The following SBNO1 variants were observed in gnomAD, a reference collection of about 807,000 sequenced individuals.
SBNO1 encodes the protein protein strawberry notch homolog 1.
Under a neutral mutation model 173.6 loss-of-function variants are expected in SBNO1, and 23 were observed. The ratio of observed to expected loss-of-function variants is 0.13; its 90% CI spans 0.10 to 0.19. The LOEUF (loss-of-function observed/expected upper bound fraction) is 0.19. SBNO1 is among the 10% of genes least tolerant of loss of function. The pLI is 1.00. For missense variants in SBNO1, 1,238 were observed against 1,671.2 expected (o/e 0.74, Z 4.52); for synonymous variants, 632 against 571.5 (o/e 1.11, Z -1.51).
rs2048498319 is a variant in SBNO1, at chr12:123,290,726, A to C, written c.*5182T>G. On this transcript the variant is annotated 3_prime_UTR_variant, in exon 32 of 32. Transcript: ENST00000602398. ...CTCTTTTGGAGGACAATTGTTCCTT[A>C]ATGTACATTCTCTCTCTTTTTTTTT... 6.6e-6 allele frequency: 1 copy of C among 151,568 alleles called. No individual in the cohort carries two copies. Among genetic ancestry groups the C allele is most frequent in the African/African-American group, 2.4e-5 (1 of 41,158 alleles). The allele number at this position is 151,568 out of a possible 1,614,324, so 9.4% of individuals were successfully genotyped here. A position where few individuals can be genotyped will look rare whatever the true frequency, so the allele number is the denominator to read the frequency against.
Position 123,291,359 on chromosome 12 carries a change from G to C in SBNO1, c.*4549C>G, listed in dbSNP as rs1357562482. 6.6e-6 allele frequency: 1 copy of C among 152,180 alleles called. No individual in the cohort carries two copies. Among genetic ancestry groups the C allele is most frequent in the Non-Finnish European group, 1.5e-5 (1 of 68,044 alleles). The allele number at this position is 152,180 out of a possible 1,614,324, so 9.4% of individuals were successfully genotyped here. On this transcript the variant is annotated 3_prime_UTR_variant, in exon 32 of 32. Transcript: ENST00000602398. ...AAGCAAGTCAGGTTTGCTGATCTAA[G>C]AGCTAAGTTTGATCCCAAATGCACT...
At position 123,341,105 on chromosome 12, in the gene SBNO1, CA is replaced by C; in HGVS notation, c.551-18del. The C allele has an allele frequency of 7.3e-7, 1 of 1,365,624 alleles. No individual in the cohort carries two copies. The highest frequency in any genetic ancestry group is 1.0e-6 in the Non-Finnish European group (1 of 988,640). The allele number at this position is 1,365,624 out of a possible 1,614,324, so 84.6% of individuals were successfully genotyped here. A position where few individuals can be genotyped will look rare whatever the true frequency, so the allele number is the denominator to read the frequency against. On this transcript the variant is annotated intron_variant, in intron 4 of 31. Coordinates refer to ENST00000602398, the MANE Select transcript of SBNO1 (RefSeq NM_001167856.3). ...TTACATCAGCTGAGGAGGAAAAAGT[CA>C]AATTACATTTAGAAGAAAATTCTGA...
In SBNO1 at chr12:123,320,689, G is replaced by A. The variant is rs1869856660; in HGVS notation, c.2491+10C>T. The stretch of plus-strand genomic sequence containing the variant: ...ACAGTATTTCAAAAAGGAAGTTTCT[G>A]TATGGATACCTGGTGTACTGTTAGG... On this transcript the variant is annotated intron_variant, in intron 18 of 31. Transcript: ENST00000602398. 1.9e-6 allele frequency: 3 copies of A among 1,596,480 alleles called. No individual in the cohort carries two copies. Among genetic ancestry groups the A allele is most frequent in the Non-Finnish European group, 2.6e-6 (3 of 1,173,728 alleles).
rs374894647 is a variant in SBNO1, at chr12:123,345,242, T to C, written c.550+16A>G. 9.2e-5 allele frequency: 147 copies of C among 1,604,316 alleles called. No homozygotes were observed. The highest frequency in any genetic ancestry group is 1.1e-4 in the Non-Finnish European group (126 of 1,172,184). On this transcript the variant is annotated intron_variant, in intron 4 of 31. Transcript: ENST00000602398. ...TACCAGAGAGAGAAAGTTGATACTA[T>C]TGAAAACAGACTTACTAGCTGCTGT...
intron 1 of SBNO1, among the ~76,000 whole-genome samples, chr12:123,359,165 C>A (rs1874826234): frequency 6.6e-6 from 1 of 151,794 alleles, no homozygotes; most frequent in Non-Finnish European, 1.5e-5. Context: ...CATCTCCCGA[C>A]CTCGTGATCA....
In SBNO1 at chr12:123,291,731, A is replaced by G. The variant is rs1392163858; in HGVS notation, c.*4177T>C. ...AGATGCCCCATATGGGAAAGTCAAG[A>G]AAAGAATAAATAGAGCTGAAGGGAA... On this transcript the variant is annotated 3_prime_UTR_variant, in exon 32 of 32. Coordinates refer to ENST00000602398, the MANE Select transcript of SBNO1 (RefSeq NM_001167856.3). 3.3e-5 allele frequency: 5 copies of G among 151,902 alleles called. No individual in the cohort carries two copies. Among genetic ancestry groups the G allele is most frequent in the Non-Finnish European group, 7.4e-5 (5 of 67,970 alleles). 9.4% of individuals were successfully genotyped at this position (151,902 alleles called of 1,614,324 possible). A position where few individuals can be genotyped will look rare whatever the true frequency, so the allele number is the denominator to read the frequency against.
chr12:123,348,610 C>CA (rs2139067897), intron 2 of SBNO1, among the ~76,000 whole-genome samples: 1 of 152,134 alleles, frequency 6.6e-6, no homozygotes, highest in East Asian at 1.9e-4. Flanking sequence ...ACTAAAAATA[C>CA]AAAAAATTCA....
chr12:123,311,720 CTA>C (rs56718635), intron 24 of SBNO1, among the ~76,000 whole-genome samples: 5,893 of 127,184 alleles, frequency 0.046, 231 homozygotes, highest in African/African-American at 0.11. Context: ...ATCTATCTAT[CTA>C]TATATATATA....
intron 1 of SBNO1, among the ~76,000 whole-genome samples, chr12:123,355,528 C>T (rs996759447): frequency 4.0e-5 from 6 of 151,522 alleles, no homozygotes; most frequent in Non-Finnish European, 7.4e-5. Context: ...CGCGTGAACC[C>T]GGGAGGCGGA....
chr12:123,313,483 T>C, intron 24 of SBNO1, 137 bp downstream of exon 24: 1 of 554,830 alleles, frequency 1.8e-6, no homozygotes, highest in South Asian at 2.5e-5. Flanking sequence ...TTATGTGTCC[T>C]AGTAACCATT....
intron 4 of SBNO1, among the ~76,000 whole-genome samples, chr12:123,344,573 A>G (rs11057283): frequency 0.95 from 145,027 of 152,246 alleles, 69,203 homozygotes; most frequent in Non-Finnish European, 0.96. Flanking sequence ...CAGGCCGGGC[A>G]TGGTACTCAC....
chr12:123,311,384 T>C (rs1223713503), intron 24 of SBNO1, among the ~76,000 whole-genome samples: 1 of 151,496 alleles, frequency 6.6e-6, no homozygotes, highest in Admixed American at 6.6e-5. Context: ...GATTCTTTTC[T>C]TTTTTTTTGA....
chr12:123,337,901 C>T (rs1280660642), intron 5 of SBNO1, among the ~76,000 whole-genome samples: 1 of 152,080 alleles, frequency 6.6e-6, no homozygotes, highest in African/African-American at 2.4e-5. Flanking sequence ...TTTTTAAAAT[C>T]ATCATAAAAT....
rs1012230471 is a variant in SBNO1 at position 123,293,020 on chromosome 12, G to T, written c.*2888C>A. ...ATCTGAGCTGCTTTAGACTCTGGAA[G>T]TGGTTTTCAGTACAATTGACGCTGT... On this transcript the variant is annotated 3_prime_UTR_variant, in exon 32 of 32. Transcript: ENST00000602398. The T allele has an allele frequency of 3.9e-5, 6 of 152,216 alleles. No individual in the cohort carries two copies. The highest frequency in any genetic ancestry group is 7.2e-5 in the African/African-American group (3 of 41,454). The allele number at this position is 152,216 out of a possible 1,614,324, so 9.4% of individuals were successfully genotyped here. A position where few individuals can be genotyped will look rare whatever the true frequency, so the allele number is the denominator to read the frequency against.
chr12:123,313,158 T>C (rs1231320881), intron 24 of SBNO1, among the ~76,000 whole-genome samples: 1 of 150,836 alleles, frequency 6.6e-6, no homozygotes, highest in Non-Finnish European at 1.5e-5. Context: ...GCCGAGATCA[T>C]GCCACTGCAC....
chr12:123,322,382 C>T (rs993594754), intron 16 of SBNO1, among the ~76,000 whole-genome samples: 5 of 152,122 alleles, frequency 3.3e-5, no homozygotes, highest in African/African-American at 1.2e-4. Context: ...GCAACCTCTG[C>T]CTCCCGAGTT....
rs552542634 is a variant in SBNO1, at chr12:123,340,392, C to A, written c.651+596G>T. On this transcript the variant is annotated intron_variant, in intron 5 of 31. Coordinates refer to ENST00000602398, the MANE Select transcript of SBNO1 (RefSeq NM_001167856.3). ...GGTCAGGAGTTCGAGACCATCCTGGCCAACATGGTGAAACCCCATTTCTAC... is the reference window on the plus strand; with the variant it reads ...GGTCAGGAGTTCGAGACCATCCTGGACAACATGGTGAAACCCCATTTCTAC... Among the ~76,000 whole-genome samples the A allele has an allele frequency of 2.0e-5, 3 of 151,922 alleles. No homozygotes were observed. The East Asian group carries it at 5.8e-4, about 29-fold the overall frequency.
intron 17 of SBNO1, 137 bp downstream of exon 17, chr12:123,321,398 G>A (rs968677541): frequency 2.4e-5 from 16 of 675,696 alleles, no homozygotes; most frequent in Non-Finnish European, 3.5e-5. Flanking sequence ...AGGTAGATAA[G>A]CCTGGAGCTT....
chr12:123,341,819 C>T (rs1872603194), intron 4 of SBNO1, among the ~76,000 whole-genome samples: 1 of 150,990 alleles, frequency 6.6e-6, no homozygotes, highest in Non-Finnish European at 1.5e-5. Context: ...TGAGCCACCG[C>T]ACCTGGCCTC....
Sources: gnomAD v4.1 joint callset for allele counts (sites outside exome capture counted in the v4.1 genomes callset) on GRCh38, gnomAD v4.1.1 for gene constraint, MANE v1.5 for transcripts, NCBI Gene and HGNC (gene_info 2026-07-23, HGNC 2026-07-21) for gene names.